Variants in ITGB5 observed in about 807,000 individuals in gnomAD.
ITGB5 encodes the protein integrin subunit beta 5.
In ITGB5, 38 loss-of-function variants were observed where a neutral mutation model predicts 84.8. That is an observed-to-expected ratio of 0.45 (90% confidence interval 0.35 to 0.59). ITGB5 has a LOEUF of 0.59. Ranked by LOEUF, ITGB5 falls within the 20% of genes least tolerant of loss-of-function variation. ITGB5 has a pLI of 0.01. For missense variants in ITGB5, 905 were observed against 1,034.5 expected, an observed-to-expected ratio of 0.87 and a Z score of 1.72; for synonymous variants, 393 against 414.4, an observed-to-expected ratio of 0.95 and a Z score of 0.63.
At chr3:124,796,233 G>A (rs906371681) in intron 10 of ITGB5, among the ~76,000 whole-genome samples, 155 bp downstream of exon 10, 1 of 152,204 alleles carries the variant, frequency 6.6e-6, no homozygotes, top group Admixed American at 6.5e-5. Flanking sequence ...CCCACCTCCT[G>A]CCTACGGGTA....
At position 124,796,466 on chromosome 3, in the gene ITGB5, C is replaced by T. The variant is rs745687877; in HGVS notation, c.1615G>A (p.Glu539Lys). 20 of 1,614,038 alleles carry T rather than the reference C, an allele frequency of 1.2e-5. No homozygotes were observed. Among genetic ancestry groups the T allele is most frequent in the South Asian group, 6.6e-5 (6 of 91,092 alleles). ...AAAGGCCCATAGATCTTGCCAAACT[C>T]GCTCTCGAAGCAGGAGCACTGGTTG... is the stretch of plus-strand genomic sequence containing the variant. ...SCNQCSCFESEFGKIYGPFCE... is the reference protein window; with the variant it reads ...SCNQCSCFESKFGKIYGPFCE... The change falls in exon 10 of 15, where the codon GAG (glutamate) becomes AAG (lysine). Residue 539 changes from glutamate to lysine, a missense_variant. Physicochemically the swap from Glu to Lys is moderately conservative, Grantham distance 56. Around this residue, in one of 3 missense-constraint regions of ITGB5, gnomAD observed 656 missense variants for 734.7 expected, o/e 0.89. Coordinates refer to ENST00000296181, the MANE Select transcript of ITGB5 (RefSeq NM_002213.5).
At chr3:124,807,023 G>A (rs1186245404) in intron 9 of ITGB5, among the ~76,000 whole-genome samples, 1 of 152,100 alleles carries the variant, frequency 6.6e-6, no homozygotes, top group African/African-American at 2.4e-5. Context: ...AGAGATTTAA[G>A]CACAAAAAAA....
At chr3:124,887,612 G>A, upstream of ITGB5, 1 of 401,830 alleles carries the variant, frequency 2.5e-6, no homozygotes, top group Non-Finnish European at 5.2e-6. Flanking sequence ...GGGGCGTGGG[G>A]GGCTCGAAAC....
chr3:124,887,696 C>A (rs1189578476), upstream of ITGB5: 5 of 453,170 alleles, frequency 1.1e-5, no homozygotes, highest in Non-Finnish European at 2.2e-5. Flanking sequence ...CTGTATTAGG[C>A]GAGCCGAGAT....
At chr3:124,784,845 C>A (rs907732561) in intron 10 of ITGB5, among the ~76,000 whole-genome samples, 5 of 152,218 alleles carry the variant, frequency 3.3e-5, no homozygotes, top group Non-Finnish European at 7.3e-5. Context: ...TCTTGGTCAC[C>A]GCAACAGGAT....
intron 10 of ITGB5, among the ~76,000 whole-genome samples, chr3:124,795,866 C>G (rs747837620): frequency 1.3e-5 from 2 of 152,234 alleles, no homozygotes; most frequent in African/African-American, 2.4e-5. Flanking sequence ...AGGTATGCAG[C>G]CCTGCTGGCA....
intron 7 of ITGB5, 30 bp downstream of exon 7, chr3:124,819,709 A>G: frequency 6.5e-7 from 1 of 1,529,288 alleles, no homozygotes; most frequent in Non-Finnish European, 9.1e-7. Flanking sequence ...TCACCCCACA[A>G]ATCACTAGCC....
At chr3:124,785,585 A>C (rs76741399) in intron 10 of ITGB5, among the ~76,000 whole-genome samples, 3,809 of 87,440 alleles carry the variant, frequency 0.044, 77 homozygotes, top group South Asian at 0.12. Context: ...ACTCCATCTC[A>C]AAAAAAAAAA....
intron 10 of ITGB5, among the ~76,000 whole-genome samples, chr3:124,794,687 C>T (rs1228073107): frequency 4.0e-5 from 6 of 151,226 alleles, no homozygotes; most frequent in Non-Finnish European, 8.8e-5. Context: ...GAGGCTGAGA[C>T]AGGAGAATCA....
chr3:124,860,288 T>C (rs1297216288), intron 2 of ITGB5, among the ~76,000 whole-genome samples: 3 of 151,926 alleles, frequency 2.0e-5, no homozygotes, highest in Non-Finnish European at 4.4e-5. Flanking sequence ...CCATTACAAA[T>C]AATTATGGGA....
At chr3:124,795,533 C>T (rs1452847116) in intron 10 of ITGB5, among the ~76,000 whole-genome samples, 1 of 151,914 alleles carries the variant, frequency 6.6e-6, no homozygotes, top group Admixed American at 6.6e-5. Flanking sequence ...ATAAGAGCCC[C>T]CAGAGATGTC....
At chr3:124,768,413 T>C (rs145429224) in intron 12 of ITGB5, among the ~76,000 whole-genome samples, 3 of 152,326 alleles carry the variant, frequency 2.0e-5, no homozygotes, top group East Asian at 3.9e-4. Flanking sequence ...CAATGCCAAT[T>C]TTCCCTTCTC....
intron 8 of ITGB5, among the ~76,000 whole-genome samples, chr3:124,812,747 T>C (rs1447963322): frequency 6.6e-6 from 1 of 152,206 alleles, no homozygotes; most frequent in Non-Finnish European, 1.5e-5. Flanking sequence ...CAACTTGATT[T>C]CACACTCGGA....
chr3:124,881,872 G>A (rs1008876006), intron 1 of ITGB5, among the ~76,000 whole-genome samples: 2 of 152,162 alleles, frequency 1.3e-5, no homozygotes, highest in African/African-American at 4.8e-5. Context: ...GGAGGCTGAG[G>A]CAGGAGAATC....
At chr3:124,773,357 C>G (rs1417388451) in intron 11 of ITGB5, among the ~76,000 whole-genome samples, 1 of 152,230 alleles carries the variant, frequency 6.6e-6, no homozygotes, top group Admixed American at 6.5e-5. Flanking sequence ...ATAGTACACT[C>G]AAGGCTCTGA....
intron 11 of ITGB5, chr3:124,770,124 CTGA>C (rs1429332880): frequency 6.6e-6 from 1 of 152,292 alleles, no homozygotes; most frequent in East Asian, 1.9e-4. Context: ...GGCTGTAAAG[CTGA>C]TGTTCAAGGG....
chr3:124,854,399 T>G (rs1202807328), intron 3 of ITGB5, among the ~76,000 whole-genome samples: 1 of 152,164 alleles, frequency 6.6e-6, no homozygotes, highest in Non-Finnish European at 1.5e-5. Flanking sequence ...ATATAGTATA[T>G]CTATACCTCC....
At chr3:124,769,162 C>T (rs777249541) in intron 11 of ITGB5, 49 bp from the exon 12 acceptor site, 10 of 1,465,410 alleles carry the variant, frequency 6.8e-6, no homozygotes, top group Admixed American at 3.4e-5. Flanking sequence ...GTAGAACAGT[C>T]CCACACCTGT....
chr3:124,866,557 C>G (rs1013408966), intron 2 of ITGB5, among the ~76,000 whole-genome samples: 1 of 152,162 alleles, frequency 6.6e-6, no homozygotes, highest in Non-Finnish European at 1.5e-5. Context: ...ACAAAAGGAA[C>G]CCAAGCAAGA....
Sources: gnomAD v4.1 joint callset for allele counts (sites outside exome capture counted in the v4.1 genomes callset) on GRCh38, gnomAD v4.1.1 for gene constraint, gnomAD v4.1.1 regional missense constraint, MANE v1.5 for transcripts, NCBI Gene and HGNC (gene_info 2026-07-23, HGNC 2026-07-21) for gene names.